The following SH3PXD2A variants were observed in gnomAD, a reference collection of about 807,000 sequenced individuals.
SH3PXD2A encodes SH3 and PX domains 2A, also known as SH3 and PX domain-containing protein 2A.
A neutral mutation model predicts 115.2 loss-of-function variants in SH3PXD2A; 32 were observed. The ratio of observed to expected loss-of-function variants is 0.28; its 90% CI spans 0.21 to 0.37. The LOEUF is 0.37. Ranked by LOEUF, SH3PXD2A falls within the 10% of genes least tolerant of loss-of-function variation. SH3PXD2A has a pLI of 1.00. For missense variants in SH3PXD2A, 1,328 were observed against 1,498.7 expected (o/e 0.89, Z 1.88); for synonymous variants, 610 against 629.1 (o/e 0.97, Z 0.45).
chr10:103,674,751 T>C (rs774778539), intron 6 of SH3PXD2A, among the ~76,000 whole-genome samples: 27 of 152,036 alleles, frequency 1.8e-4, no homozygotes, highest in Non-Finnish European at 3.8e-4. Context: ...ACCTGGGAAG[T>C]GGAGCTTGCA....
At chr10:103,815,490 C>T (rs2039315261) in intron 1 of SH3PXD2A, among the ~76,000 whole-genome samples, 1 of 149,364 alleles carries the variant, frequency 6.7e-6, no homozygotes, top group Non-Finnish European at 1.5e-5. Flanking sequence ...AATATACACA[C>T]ACACACAGTG....
intron 1 of SH3PXD2A, among the ~76,000 whole-genome samples, chr10:103,814,210 C>T (rs1022819148): frequency 1.8e-4 from 27 of 152,254 alleles, no homozygotes; most frequent in African/African-American, 6.0e-4. Flanking sequence ...CGAGTTCCTT[C>T]GTTCTGAGCT....
intron 4 of SH3PXD2A, among the ~76,000 whole-genome samples, chr10:103,728,884 TGTTTG>T (rs1564874626): frequency 1.5e-5 from 2 of 133,666 alleles, no homozygotes; most frequent in African/African-American, 6.4e-5. Context: ...TTGTTTTTTT[TGTTTG>T]TTTGTTTGTT....
intron 1 of SH3PXD2A, among the ~76,000 whole-genome samples, chr10:103,820,209 A>C (rs1035584624): frequency 1.3e-5 from 2 of 152,110 alleles, no homozygotes; most frequent in Non-Finnish European, 2.9e-5. Context: ...CTTGGCTCAA[A>C]ATGTGGAGCA....
At chr10:103,793,889 T>C (rs367718543) in intron 2 of SH3PXD2A, among the ~76,000 whole-genome samples, 3 of 152,244 alleles carry the variant, frequency 2.0e-5, no homozygotes, top group East Asian at 3.8e-4. Context: ...CCCAGGTTGA[T>C]CTCAGCTGAG....
chr10:103,655,004 C>A (rs1245539263), intron 8 of SH3PXD2A, among the ~76,000 whole-genome samples: 1 of 152,158 alleles, frequency 6.6e-6, no homozygotes, highest in Non-Finnish European at 1.5e-5. Context: ...CTGCTCCTGG[C>A]TTTATGCTCC....
At chr10:103,844,316 C>T (rs796808889) in intron 1 of SH3PXD2A, among the ~76,000 whole-genome samples, 65 of 152,320 alleles carry the variant, frequency 4.3e-4, no homozygotes, top group African/African-American at 1.4e-3. Context: ...TTCACCCTCT[C>T]GGAGCTCCAC....
chr10:103,641,420 A>G (rs2036953563), intron 8 of SH3PXD2A, among the ~76,000 whole-genome samples: 1 of 152,156 alleles, frequency 6.6e-6, no homozygotes, highest in Admixed American at 6.5e-5. Flanking sequence ...TGCCTTAGGA[A>G]ACTCAGAATG....
intron 3 of SH3PXD2A, among the ~76,000 whole-genome samples, chr10:103,761,863 C>T (rs956537924): frequency 1.3e-5 from 2 of 152,104 alleles, no homozygotes; most frequent in Non-Finnish European, 2.9e-5. Context: ...TAGGAAGAAT[C>T]GCGGCTCTGC....
chr10:103,656,639 GGCCAACATAGTAAAACCCT>G (rs1202329927), intron 8 of SH3PXD2A, among the ~76,000 whole-genome samples: 3 of 152,092 alleles, frequency 2.0e-5, no homozygotes, highest in Non-Finnish European at 4.4e-5. Flanking sequence ...AGACCAGCCT[GGCCAACATAGTAAAACCCT>G]GTCTCTACTA....
intron 2 of SH3PXD2A, among the ~76,000 whole-genome samples, chr10:103,768,135 G>A (rs1007237110): frequency 6.6e-6 from 1 of 152,166 alleles, no homozygotes; most frequent in African/African-American, 2.4e-5. Context: ...CTAAGGAAAG[G>A]GCAGTAAAGA....
intron 8 of SH3PXD2A, among the ~76,000 whole-genome samples, chr10:103,660,747 CA>C (rs1419527625): frequency 7.2e-5 from 11 of 152,240 alleles, no homozygotes; most frequent in Admixed American, 7.2e-4. Flanking sequence ...CTGAAACGTG[CA>C]ATTAACACAG....
intron 1 of SH3PXD2A, among the ~76,000 whole-genome samples, chr10:103,828,432 T>C (rs761337555): frequency 2.6e-5 from 4 of 152,176 alleles, no homozygotes; most frequent in Admixed American, 6.5e-5. Context: ...TCACCCTCCC[T>C]GGGGGTGGCC....
At chr10:103,715,441 T>C (rs2038094295) in intron 5 of SH3PXD2A, among the ~76,000 whole-genome samples, 1 of 152,188 alleles carries the variant, frequency 6.6e-6, no homozygotes, top group Admixed American at 6.5e-5. Flanking sequence ...TGGCACTCAG[T>C]AACTACCTGC....
chr10:103,623,805 A>T (rs2036647695), intron 9 of SH3PXD2A, among the ~76,000 whole-genome samples: 1 of 152,200 alleles, frequency 6.6e-6, no homozygotes, highest in Non-Finnish European at 1.5e-5. Context: ...GGAAACATGA[A>T]TCAGGTCCTG....
intron 5 of SH3PXD2A, among the ~76,000 whole-genome samples, chr10:103,702,738 C>T (rs924674813): frequency 2.6e-5 from 4 of 152,116 alleles, no homozygotes; most frequent in Admixed American, 6.5e-5. Flanking sequence ...AACAACCCAG[C>T]GGCAGTATTC....
At chr10:103,694,515 A>G (rs2037802120) in intron 5 of SH3PXD2A, among the ~76,000 whole-genome samples, 1 of 141,310 alleles carries the variant, frequency 7.1e-6, no homozygotes, top group African/African-American at 2.7e-5. Flanking sequence ...CTTAGAACCC[A>G]CTTAATCAGA....
chr10:103,850,962 G>A (rs1357233051), intron 1 of SH3PXD2A, among the ~76,000 whole-genome samples: 1 of 152,114 alleles, frequency 6.6e-6, no homozygotes, highest in Non-Finnish European at 1.5e-5. Context: ...TTACAGGTGA[G>A]GAGACTGAGG....
intron 3 of SH3PXD2A, among the ~76,000 whole-genome samples, chr10:103,758,433 C>T (rs1250909422): frequency 6.6e-6 from 1 of 152,198 alleles, no homozygotes; most frequent in Non-Finnish European, 1.5e-5. Flanking sequence ...GTTATTTTTC[C>T]TTCTGGCACT....
Sources: gnomAD v4.1 joint callset for allele counts (sites outside exome capture counted in the v4.1 genomes callset) on GRCh38, gnomAD v4.1.1 for gene constraint, MANE v1.5 for transcripts, NCBI Gene and HGNC (gene_info 2026-07-23, HGNC 2026-07-21) for gene names.